KHDRBS2: variants seen among roughly 807,000 people sequenced by gnomAD.
KHDRBS2 encodes KH RNA binding domain containing, signal transduction associated 2, also known as KH domain-containing, RNA-binding, signal transduction-associated protein 2.
Under a neutral mutation model 44.3 loss-of-function variants are expected in KHDRBS2, and 26 were observed. That is an observed-to-expected ratio of 0.59 (90% CI 0.43 to 0.81). The LOEUF (loss-of-function observed/expected upper bound fraction) is 0.81, where lower values mean the gene tolerates loss of function less well. Among genes scored for constraint, KHDRBS2 ranks in the 40% least tolerant of loss-of-function variants. The pLI is 0.00. For synonymous variants in KHDRBS2, 194 were observed against 151.1 expected, an observed-to-expected ratio of 1.28 and a Z score of -2.08; for missense variants, 476 against 433.1, an observed-to-expected ratio of 1.10 and a Z score of -0.88.
intron 6 of KHDRBS2, among the ~76,000 whole-genome samples, chr6:61,806,526 T>C (rs1174687441): frequency 6.6e-6 from 1 of 152,156 alleles, no homozygotes; most frequent in Non-Finnish European, 1.5e-5. Flanking sequence ...AAATGGATGA[T>C]TTGAACACCC....
In KHDRBS2 at chr6:61,862,705, C is replaced by T. The variant is rs368510554; in HGVS notation, c.810+31930G>A. On this transcript the variant is annotated intron_variant, in intron 6 of 8. Transcript: ENST00000281156. ...TGGTAAATAAGCTTTTTTGATATACCGCTGAATTCAGTTTGCCAGCATTTT... is the reference window on the plus strand; with the variant it reads ...TGGTAAATAAGCTTTTTTGATATACTGCTGAATTCAGTTTGCCAGCATTTT... 2.3e-3 allele frequency among the ~76,000 whole-genome samples: 346 copies of T among 151,938 alleles called. 2 individuals carry two copies. Among genetic ancestry groups the T allele is most frequent in the African/African-American group, 8.1e-3 (337 of 41,472 alleles).
intron 8 of KHDRBS2, among the ~76,000 whole-genome samples, chr6:61,686,208 C>G (rs1469367207): frequency 6.6e-6 from 1 of 151,604 alleles, no homozygotes; most frequent in Non-Finnish European, 1.5e-5. Context: ...GAAGCTCATG[C>G]GATTTTTGGT....
chr6:61,816,963 A>C (rs1562238836), intron 6 of KHDRBS2: 1 of 455,778 alleles, frequency 2.2e-6, no homozygotes, highest in Non-Finnish European at 4.4e-6. Flanking sequence ...ACCTGGTGAG[A>C]TTTTGCCACC....
At chr6:61,641,508 T>C in the KHDRBS2 span, among the ~76,000 whole-genome samples, 1 of 152,170 alleles carries the variant, frequency 6.6e-6, no homozygotes, top group Non-Finnish European at 1.5e-5. Flanking sequence ...ACATTTCCAC[T>C]CAAGGTATCC....
chr6:62,234,681 T>G (rs1429405476), intron 1 of KHDRBS2, among the ~76,000 whole-genome samples: 1 of 152,070 alleles, frequency 6.6e-6, no homozygotes, highest in Non-Finnish European at 1.5e-5. Context: ...ATACCTAATG[T>G]CCATTTAGCA....
the KHDRBS2 span, among the ~76,000 whole-genome samples, chr6:61,570,268 C>T: frequency 2.9e-3 from 442 of 152,060 alleles, no homozygotes; most frequent in African/African-American, 0.01. Flanking sequence ...CAGTGAAATA[C>T]AAATTACAGT....
intron 2 of KHDRBS2, among the ~76,000 whole-genome samples, chr6:62,065,287 A>G (rs1022873312): frequency 2.0e-5 from 3 of 152,122 alleles, no homozygotes; most frequent in African/African-American, 7.2e-5. Context: ...TACTGGGTAT[A>G]TACCCAAATG....
At chr6:61,588,495 A>G in the KHDRBS2 span, among the ~76,000 whole-genome samples, 3 of 152,238 alleles carry the variant, frequency 2.0e-5, no homozygotes, top group African/African-American at 7.2e-5. Flanking sequence ...ATTCACAATT[A>G]TACTCAGATA....
chr6:62,255,979 AT>A (rs972924212), intron 1 of KHDRBS2, among the ~76,000 whole-genome samples: 1 of 151,744 alleles, frequency 6.6e-6, no homozygotes, highest in African/African-American at 2.4e-5. Flanking sequence ...TAAAAAAAAA[AT>A]AAAAATTAGC....
chr6:61,649,149 G>A, the KHDRBS2 span, among the ~76,000 whole-genome samples: 1 of 152,056 alleles, frequency 6.6e-6, no homozygotes, highest in African/African-American at 2.4e-5. Flanking sequence ...AGGAGTGCAA[G>A]GGAACTCCTA....
chr6:61,661,530 T>G, the KHDRBS2 span, among the ~76,000 whole-genome samples: 1 of 151,952 alleles, frequency 6.6e-6, no homozygotes, highest in East Asian at 1.9e-4. Flanking sequence ...TCCAACCTTT[T>G]GTATTTAAGG....
chr6:61,556,466 T>C, the KHDRBS2 span, among the ~76,000 whole-genome samples: 2 of 152,184 alleles, frequency 1.3e-5, no homozygotes, highest in African/African-American at 4.8e-5. Flanking sequence ...AATACATTCA[T>C]TGGCAAAGAC....
intron 4 of KHDRBS2, among the ~76,000 whole-genome samples, chr6:61,959,418 T>C (rs918653530): frequency 2.0e-5 from 3 of 152,144 alleles, no homozygotes; most frequent in African/African-American, 7.2e-5. Context: ...GCTGCAGAAT[T>C]TTGTAGACCA....
chr6:62,223,955 T>C (rs923608830), intron 1 of KHDRBS2, among the ~76,000 whole-genome samples: 2 of 152,168 alleles, frequency 1.3e-5, no homozygotes, highest in Non-Finnish European at 2.9e-5. Flanking sequence ...CTCCAAACTG[T>C]TCAAAACCTC....
chr6:62,081,065 T>G (rs1797298307), intron 2 of KHDRBS2, among the ~76,000 whole-genome samples: 1 of 152,152 alleles, frequency 6.6e-6, no homozygotes, highest in Non-Finnish European at 1.5e-5. Flanking sequence ...TTCATTAAAT[T>G]CTTGTAAATC....
intron 2 of KHDRBS2, among the ~76,000 whole-genome samples, chr6:62,132,476 G>A (rs992947257): frequency 7.9e-5 from 12 of 152,238 alleles, no homozygotes; most frequent in Admixed American, 2.6e-4. Context: ...ATCTTGTCTC[G>A]TTACAAGCCC....
At chr6:61,933,364 T>C (rs1474162167) in intron 4 of KHDRBS2, among the ~76,000 whole-genome samples, 3 of 127,414 alleles carry the variant, frequency 2.4e-5, no homozygotes, top group Non-Finnish European at 1.7e-5. Context: ...ATCCAAGTCA[T>C]ATGAGACACA....
chr6:62,262,259 TAA>T (rs1838469809), intron 1 of KHDRBS2, among the ~76,000 whole-genome samples: 1 of 151,778 alleles, frequency 6.6e-6, no homozygotes, highest in African/African-American at 2.4e-5. Flanking sequence ...AATATCTGGA[TAA>T]CTCTGGAAAT....
At chr6:62,105,133 T>A (rs1449241585) in intron 2 of KHDRBS2, among the ~76,000 whole-genome samples, 3 of 151,454 alleles carry the variant, frequency 2.0e-5, no homozygotes, top group Admixed American at 2.0e-4. Flanking sequence ...AATGAGCTTT[T>A]AGTTAAACAT....
Sources: allele counts gnomAD v4.1 joint callset (sites outside exome capture counted in the v4.1 genomes callset), GRCh38; gene constraint gnomAD v4.1.1; transcripts MANE v1.5; gene names NCBI Gene and HGNC (gene_info 2026-07-23, HGNC 2026-07-21).